PRTFDC1: variants seen among roughly 807,000 people sequenced by gnomAD.
PRTFDC1 encodes phosphoribosyltransferase domain-containing protein 1.
PRTFDC1 carries 38 observed loss-of-function variants against 34.6 expected under a neutral mutation model. The ratio of observed to expected loss-of-function variants is 1.10; its 90% CI spans 0.85 to 1.44. The LOEUF is 1.44. PRTFDC1 is among the 40% of genes most tolerant of loss of function. The pLI is 0.00. For missense variants in PRTFDC1, 270 were observed against 283.0 expected, an observed-to-expected ratio of 0.95 and a Z score of 0.33; for synonymous variants, 93 against 98.1, an observed-to-expected ratio of 0.95 and a Z score of 0.31.
At chr10:24,950,190 C>A (rs1484910392) in intron 1 of PRTFDC1, among the ~76,000 whole-genome samples, 2 of 152,148 alleles carry the variant, frequency 1.3e-5, no homozygotes, top group Non-Finnish European at 2.9e-5. Context: ...TCTATCCGTG[C>A]ATCTAGATTC....
At chr10:24,941,085 G>C in intron 2 of PRTFDC1, among the ~76,000 whole-genome samples, 1 of 150,290 alleles carries the variant, frequency 6.7e-6, no homozygotes, top group East Asian at 1.9e-4. Flanking sequence ...ACAAGGTCTC[G>C]CTCTGTTCCC....
intron 3 of PRTFDC1, among the ~76,000 whole-genome samples, chr10:24,882,397 CT>C (rs1324794829): frequency 1.3e-5 from 2 of 152,070 alleles, no homozygotes; most frequent in Admixed American, 1.3e-4. Context: ...AATGAAAACT[CT>C]TTCAGCACAG....
intron 3 of PRTFDC1, among the ~76,000 whole-genome samples, chr10:24,907,405 G>A (rs1031640579): frequency 2.6e-5 from 4 of 151,946 alleles, no homozygotes; most frequent in Non-Finnish European, 5.9e-5. Flanking sequence ...GACCAGCATG[G>A]TCAACATGGT....
At chr10:24,876,834 C>T (rs1431727782) in intron 3 of PRTFDC1, among the ~76,000 whole-genome samples, 1 of 139,346 alleles carries the variant, frequency 7.2e-6, no homozygotes. Flanking sequence ...TTTCCCCCAA[C>T]CCCCCGCCCC....
chr10:24,889,457 G>A (rs1848225305), intron 3 of PRTFDC1, among the ~76,000 whole-genome samples: 1 of 152,106 alleles, frequency 6.6e-6, no homozygotes, highest in South Asian at 2.1e-4. Context: ...GTTACATAAG[G>A]AGCCAACAAA....
intron 1 of PRTFDC1, chr10:24,951,630 C>T: frequency 1.0e-6 from 1 of 984,274 alleles, no homozygotes; most frequent in South Asian, 4.7e-5. Flanking sequence ...GGCAAGTTAG[C>T]CCCACCCACC....
At chr10:24,930,183 G>A (rs1161142559) in intron 3 of PRTFDC1, among the ~76,000 whole-genome samples, 2 of 152,090 alleles carry the variant, frequency 1.3e-5, no homozygotes, top group Non-Finnish European at 2.9e-5. Flanking sequence ...GAAGCCTGAA[G>A]CTCAAGGTTC....
At chr10:24,862,719 C>G (rs763503268) in intron 4 of PRTFDC1, among the ~76,000 whole-genome samples, 5 of 151,756 alleles carry the variant, frequency 3.3e-5, no homozygotes, top group South Asian at 4.2e-4. Context: ...TTATGGCAAC[C>G]CTGTGTTGAG....
At chr10:24,897,953 C>T (rs61854296) in intron 3 of PRTFDC1, among the ~76,000 whole-genome samples, 17,671 of 151,912 alleles carry the variant, frequency 0.12, 1,266 homozygotes, top group East Asian at 0.29. Flanking sequence ...TGGTGCAGGG[C>T]GTCTTTAAAG....
rs774298624 is a variant in PRTFDC1, at chr10:24,849,906, G to C, written c.631-15C>G. ...ACGCATATGTGCTGAAACAATAAAG[G>C]ATTTAAACGCATCAGTTTCTTAACA... On this transcript the variant is annotated splice_polypyrimidine_tract_variant and intron_variant, in intron 8 of 8. Transcript: ENST00000320152. The C allele has an allele frequency of 6.2e-7, 1 of 1,613,166 alleles. No homozygotes were observed. Among genetic ancestry groups the C allele is most frequent in the Admixed American group, 1.7e-5 (1 of 59,966 alleles).
intron 3 of PRTFDC1, among the ~76,000 whole-genome samples, chr10:24,890,533 A>G (rs991746841): frequency 5.3e-5 from 8 of 152,162 alleles, no homozygotes; most frequent in Non-Finnish European, 1.0e-4. Context: ...CTCTGTCCCC[A>G]TCAAATATTT....
At chr10:24,879,856 G>T (rs988645891) in intron 3 of PRTFDC1, among the ~76,000 whole-genome samples, 1 of 152,050 alleles carries the variant, frequency 6.6e-6, no homozygotes, top group Non-Finnish European at 1.5e-5. Flanking sequence ...TTCAGTTTCC[G>T]GTTCATTTAA....
chr10:24,910,816 T>TA (rs1358214297), intron 3 of PRTFDC1, among the ~76,000 whole-genome samples: 1 of 151,862 alleles, frequency 6.6e-6, no homozygotes, highest in African/African-American at 2.4e-5. Context: ...AAAAGAAAAT[T>TA]TAAAAAAAAT....
chr10:24,872,788 G>GTATATATATA (rs1555045487), intron 3 of PRTFDC1, among the ~76,000 whole-genome samples: 12 of 83,216 alleles, frequency 1.4e-4, no homozygotes, highest in African/African-American at 5.8e-4. Context: ...GTGTGTGTGT[G>GTATATATATA]TATATATATA....
intron 7 of PRTFDC1, among the ~76,000 whole-genome samples, chr10:24,852,963 G>A (rs571410015): frequency 2.6e-5 from 4 of 152,150 alleles, no homozygotes; most frequent in South Asian, 2.1e-4. Context: ...CTAGAGGTGA[G>A]GGACTTATTT....
chr10:24,862,437 C>T (rs955572789), intron 4 of PRTFDC1, among the ~76,000 whole-genome samples: 15 of 152,004 alleles, frequency 9.9e-5, no homozygotes, highest in African/African-American at 1.7e-4. Flanking sequence ...TGCAATGGCG[C>T]GATCTTGGCT....
chr10:24,870,545 C>T (rs1847853143), intron 4 of PRTFDC1, among the ~76,000 whole-genome samples: 1 of 152,082 alleles, frequency 6.6e-6, no homozygotes, highest in Non-Finnish European at 1.5e-5. Flanking sequence ...CAATAAAATG[C>T]TAAAATGACG....
chr10:24,947,833 A>T (rs1034558757), intron 1 of PRTFDC1, among the ~76,000 whole-genome samples: 17 of 152,114 alleles, frequency 1.1e-4, no homozygotes, highest in Admixed American at 5.9e-4. Context: ...AGAATCCCAG[A>T]CAGGAATTCT....
chr10:24,872,954 G>A (rs1847903457), intron 3 of PRTFDC1, among the ~76,000 whole-genome samples: 1 of 150,642 alleles, frequency 6.6e-6, no homozygotes, highest in Non-Finnish European at 1.5e-5. Flanking sequence ...ACTACAGACA[G>A]GCACATACCA....
Sources: gnomAD v4.1 joint callset for allele counts (sites outside exome capture counted in the v4.1 genomes callset) on GRCh38, gnomAD v4.1.1 for gene constraint, MANE v1.5 for transcripts, NCBI Gene and HGNC (gene_info 2026-07-23, HGNC 2026-07-21) for gene names.